Variants in RUNDC3B observed in about 807,000 individuals in gnomAD.
RUNDC3B encodes the protein RUN domain containing 3B.
In RUNDC3B, 33 loss-of-function variants were observed where a neutral mutation model predicts 58.4. The ratio of observed to expected loss-of-function variants is 0.56; its 90% CI spans 0.43 to 0.75. The LOEUF is 0.75. Among genes scored for constraint, RUNDC3B ranks in the 30% least tolerant of loss-of-function variants. The probability of loss-of-function intolerance (pLI) is 0.00; values close to 1 mark genes in which losing one functional copy is unlikely to be tolerated. For synonymous variants in RUNDC3B, 193 were observed against 195.2 expected, an observed-to-expected ratio of 0.99 and a Z score of 0.10; for missense variants, 501 against 535.7, an observed-to-expected ratio of 0.94 and a Z score of 0.64.
At position 87,628,915 on chromosome 7, in the gene RUNDC3B, T is replaced by G. The variant is rs1584941062; in HGVS notation, c.92T>G (p.Val31Gly). The change falls in exon 1 of 11, where the codon GTG (valine) becomes GGG (glycine). Residue 31 changes from valine (V) to glycine (G), a missense_variant. By Grantham distance (109) the Val-to-Gly change is moderately radical. Coordinates refer to ENST00000394654, the MANE Select transcript of RUNDC3B (RefSeq NM_001134405.2). ...KKSLSARNAA[V>G]ERRNLITVCR... is the part of the protein sequence containing the mutation. ...AGCCTGAGCGCCCGCAATGCTGCGG[T>G]GGAGAGGAGGAACCTGATCACCGTG... 7.6e-7 allele frequency: 1 copy of G among 1,309,240 alleles called. No individual in the cohort carries two copies. Among genetic ancestry groups the G allele is most frequent in the Non-Finnish European group, 9.8e-7 (1 of 1,020,622 alleles). The allele number at this position is 1,309,240 out of a possible 1,614,324, so 81.1% of individuals were successfully genotyped here. A position where few individuals can be genotyped will look rare whatever the true frequency, so the allele number is the denominator to read the frequency against.
chr7:87,720,002 A>C (rs75279580), intron 4 of RUNDC3B, among the ~76,000 whole-genome samples: 2 of 150,014 alleles, frequency 1.3e-5, no homozygotes, highest in African/African-American at 2.4e-5. Context: ...AAAAAAAAAA[A>C]AAAAGAGAAA....
intron 9 of RUNDC3B, among the ~76,000 whole-genome samples, chr7:87,811,920 A>G (rs891034523): frequency 6.6e-6 from 1 of 152,214 alleles, no homozygotes; most frequent in African/African-American, 2.4e-5. Flanking sequence ...CAAAGAACAA[A>G]AAGTACATAT....
chr7:87,821,764 A>G (rs997221459), intron 10 of RUNDC3B, among the ~76,000 whole-genome samples: 6 of 152,352 alleles, frequency 3.9e-5, no homozygotes, highest in African/African-American at 1.2e-4. Flanking sequence ...GATCTTTGAC[A>G]AACCTGACAA....
chr7:87,778,208 G>A (rs1834747940), intron 8 of RUNDC3B, among the ~76,000 whole-genome samples: 1 of 152,120 alleles, frequency 6.6e-6, no homozygotes, highest in Admixed American at 6.6e-5. Flanking sequence ...TGGGGAGGCT[G>A]AGTTGGGCAG....
At chr7:87,818,932 C>T (rs1485429222) in intron 10 of RUNDC3B, among the ~76,000 whole-genome samples, 2 of 152,134 alleles carry the variant, frequency 1.3e-5, no homozygotes, top group African/African-American at 2.4e-5. Flanking sequence ...CAAACAACAA[C>T]AACAACAGCA....
At chr7:87,736,869 ATATATATATATATATATATATTTTTTTT>A (rs1831979129) in intron 4 of RUNDC3B, among the ~76,000 whole-genome samples, 1 of 36,834 alleles carries the variant, frequency 2.7e-5, no homozygotes, top group African/African-American at 1.0e-4. Flanking sequence ...ATATATATAT[ATATATATATATATATATATATTTTTTTT>A]TTTTTTTTTT....
chr7:87,757,264 G>A (rs762190527), intron 6 of RUNDC3B, among the ~76,000 whole-genome samples: 3 of 151,926 alleles, frequency 2.0e-5, no homozygotes, highest in Non-Finnish European at 4.4e-5. Context: ...AGTTATGCTT[G>A]ATTTTTACTT....
chr7:87,678,160 C>T (rs1473436347), intron 2 of RUNDC3B, among the ~76,000 whole-genome samples: 1 of 152,170 alleles, frequency 6.6e-6, no homozygotes, highest in East Asian at 1.9e-4. Flanking sequence ...TTTTTCTCCT[C>T]TATTAAGGTC....
At chr7:87,651,839 A>G (rs1417754973) in intron 2 of RUNDC3B, among the ~76,000 whole-genome samples, 1 of 152,134 alleles carries the variant, frequency 6.6e-6, no homozygotes, top group East Asian at 1.9e-4. Flanking sequence ...TTGAAACTAC[A>G]TGGGAGAAAA....
chr7:87,656,428 A>T (rs1407022178), intron 2 of RUNDC3B, among the ~76,000 whole-genome samples: 1 of 152,116 alleles, frequency 6.6e-6, no homozygotes, highest in African/African-American at 2.4e-5. Context: ...TGAGGACTGG[A>T]ACGATGCAGA....
intron 4 of RUNDC3B, among the ~76,000 whole-genome samples, chr7:87,731,601 A>G (rs530227785): frequency 2.4e-4 from 37 of 152,182 alleles, no homozygotes; most frequent in Non-Finnish European, 5.0e-4. Flanking sequence ...GGAACCAAAC[A>G]TAGAAAAAAA....
At chr7:87,640,269 T>G (rs566250715) in intron 1 of RUNDC3B, among the ~76,000 whole-genome samples, 8 of 151,506 alleles carry the variant, frequency 5.3e-5, no homozygotes, top group Non-Finnish European at 1.2e-4. Context: ...GAAATACACA[T>G]TTATATTTAT....
chr7:87,770,250 T>C (rs944711789), intron 6 of RUNDC3B, among the ~76,000 whole-genome samples: 2 of 152,096 alleles, frequency 1.3e-5, no homozygotes, highest in African/African-American at 4.8e-5. Context: ...AGAAGGCTGT[T>C]TCCAGCGCAT....
intron 2 of RUNDC3B, among the ~76,000 whole-genome samples, chr7:87,673,552 T>A (rs1279743382): frequency 6.6e-6 from 1 of 152,256 alleles, no homozygotes; most frequent in Non-Finnish European, 1.5e-5. Context: ...AGTGTGCATG[T>A]CTATCAGATC....
chr7:87,721,658 G>C (rs1467784215), intron 4 of RUNDC3B, among the ~76,000 whole-genome samples: 4 of 152,012 alleles, frequency 2.6e-5, no homozygotes, highest in Non-Finnish European at 5.9e-5. Context: ...GCAGAATTTA[G>C]GTTAGCATTT....
chr7:87,778,917 G>C (rs187748060), intron 8 of RUNDC3B, among the ~76,000 whole-genome samples: 76 of 152,110 alleles, frequency 5.0e-4, no homozygotes, highest in Middle Eastern at 6.8e-3. Context: ...CAAACTTTCA[G>C]AAAAATTATA....
intron 4 of RUNDC3B, chr7:87,713,348 C>CA (rs1334660360): frequency 1.3e-5 from 2 of 152,056 alleles, no homozygotes; most frequent in Non-Finnish European, 2.9e-5. Flanking sequence ...GGAGGAGCTA[C>CA]ATGAACTAAG....
At chr7:87,779,010 C>G (rs1231337700) in intron 8 of RUNDC3B, among the ~76,000 whole-genome samples, 1 of 152,150 alleles carries the variant, frequency 6.6e-6, no homozygotes, top group African/African-American at 2.4e-5. Context: ...ATAATTCTCT[C>G]CCTTTCCCTA....
At chr7:87,648,296 C>G (rs1239676722) in intron 1 of RUNDC3B, among the ~76,000 whole-genome samples, 2 of 151,678 alleles carry the variant, frequency 1.3e-5, no homozygotes, top group African/African-American at 4.8e-5. Flanking sequence ...GGAATGTGCA[C>G]ATTTCTCCTG....
Sources: gnomAD v4.1 joint callset for allele counts (sites outside exome capture counted in the v4.1 genomes callset) on GRCh38, gnomAD v4.1.1 for gene constraint, MANE v1.5 for transcripts, NCBI Gene and HGNC (gene_info 2026-07-23, HGNC 2026-07-21) for gene names.